Variants in CMTM4 observed in about 807,000 individuals in gnomAD.
CMTM4 encodes CKLF-like MARVEL transmembrane domain-containing protein 4.
A neutral mutation model predicts 19.0 loss-of-function variants in CMTM4; 8 were observed. That is an observed-to-expected ratio of 0.42 (90% CI 0.25 to 0.76). The LOEUF (loss-of-function observed/expected upper bound fraction) is 0.76, where lower values mean the gene tolerates loss of function less well. CMTM4 is among the 30% of genes least tolerant of loss of function. CMTM4 has a pLI of 0.27. For missense variants in CMTM4, 228 were observed against 290.2 expected, an observed-to-expected ratio of 0.79 and a Z score of 1.56; for synonymous variants, 106 against 121.1, an observed-to-expected ratio of 0.88 and a Z score of 0.82.
At chr16:66,637,918 T>A (rs1319786490) in intron 1 of CMTM4, among the ~76,000 whole-genome samples, 1 of 152,188 alleles carries the variant, frequency 6.6e-6, no homozygotes, top group Non-Finnish European at 1.5e-5. Flanking sequence ...CTCTGCTTCC[T>A]CCCCTTGAAC....
At chr16:66,678,890 T>C (rs1199698858) in intron 1 of CMTM4, among the ~76,000 whole-genome samples, 2 of 151,920 alleles carry the variant, frequency 1.3e-5, no homozygotes, top group African/African-American at 4.8e-5. Context: ...ATCACTTGAG[T>C]CCAGGAGTTC....
the CMTM4 span, chr16:66,609,348 G>A: frequency 5.9e-6 from 7 of 1,183,002 alleles, no homozygotes; most frequent in Admixed American, 1.4e-4. This position sits in a 1 kb window ranked among gnomAD's most constrained non-coding sequence, Gnocchi z 4.4. Context: ...TAGGCCTGGG[G>A]CTGGGAACAC....
intron 1 of CMTM4, among the ~76,000 whole-genome samples, chr16:66,658,581 GATACCC>G (rs2016444595): frequency 6.6e-6 from 1 of 152,056 alleles, no homozygotes; most frequent in Admixed American, 6.6e-5. Flanking sequence ...TCAAAATCCT[GATACCC>G]ACATTGGGCT....
chr16:66,670,940 T>C (rs1438435271), intron 1 of CMTM4, among the ~76,000 whole-genome samples: 1 of 152,206 alleles, frequency 6.6e-6, no homozygotes, highest in Non-Finnish European at 1.5e-5. Context: ...TAGACCTAAC[T>C]GTTAATGGGA....
the CMTM4 span, chr16:66,609,369 C>CCAGGCCTCCTCCCCATGCTGT: frequency 3.5e-6 from 5 of 1,423,582 alleles, no homozygotes; most frequent in Non-Finnish European, 4.9e-6. This position sits in a 1 kb window ranked among gnomAD's most constrained non-coding sequence, Gnocchi z 4.4. Context: ...GACCAGGCTG[C>CCAGGCCTCCTCCCCATGCTGT]CAGGCCTCCT....
intron 1 of CMTM4, among the ~76,000 whole-genome samples, chr16:66,678,850 T>C (rs1322953262): frequency 6.6e-6 from 1 of 152,176 alleles, no homozygotes; most frequent in Non-Finnish European, 1.5e-5. Flanking sequence ...CTCACGACTG[T>C]AATCCCAGCA....
chr16:66,604,944 G>A, the CMTM4 span: 1 of 1,503,942 alleles, frequency 6.6e-7, no homozygotes, highest in South Asian at 1.2e-5. Context: ...CCTCCTGCTG[G>A]CCGAGTCGGT....
chr16:66,682,365 T>C (rs1215387848), intron 1 of CMTM4, among the ~76,000 whole-genome samples: 4 of 151,932 alleles, frequency 2.6e-5, no homozygotes, highest in Admixed American at 6.6e-5. Flanking sequence ...GAAGAGCCAT[T>C]GTTTCTGGGT....
Position 66,696,450 on chromosome 16 carries a change from G to T in CMTM4, c.76C>A (p.Pro26Thr). Residue 26 changes from proline (P) to threonine (T), a missense_variant, in exon 1 of 4, where the codon CCG becomes ACG. This residue lies in a region of CMTM4 where 21 missense variants were observed against 43.1 expected (regional missense o/e 0.49). Transcript: ENST00000394106. This position sits in a 1 kb window ranked among gnomAD's most constrained non-coding sequence, Gnocchi z 4.3. Reference protein sequence around the residue: ...STSMISGASSPYQPTTEPVSQ... With the variant: ...STSMISGASSTYQPTTEPVSQ... Reference sequence around the variant, plus strand: ...ACCGGCTCGGTGGTGGGCTGGTACGGGCTGCTGGCGCCCGAGATCATGGAG... The same window carrying T: ...ACCGGCTCGGTGGTGGGCTGGTACGTGCTGCTGGCGCCCGAGATCATGGAG... 1 of 1,347,726 alleles carries T rather than the reference G, an allele frequency of 7.4e-7. No homozygotes were observed. The highest frequency in any genetic ancestry group is 1.7e-5 in the South Asian group (1 of 59,632). The allele number at this position is 1,347,726 out of a possible 1,614,324, so 83.5% of individuals were successfully genotyped here.
Position 66,620,162 on chromosome 16 carries a change from GTCCT to G in CMTM4, c.*1892_*1895del. The G allele has an allele frequency of 2.0e-6, 2 of 985,448 alleles. No homozygotes were observed. The highest frequency in any genetic ancestry group is 2.4e-6 in the Non-Finnish European group (2 of 829,926). 61.0% of individuals were successfully genotyped at this position (985,448 alleles called of 1,614,324 possible). On this transcript the variant is annotated 3_prime_UTR_variant, in exon 4 of 4. Coordinates refer to ENST00000394106, the MANE Select transcript of CMTM4 (RefSeq NM_181521.3). ...GAGATTTCTGATAAAGCTCAGGATG[GTCCT>G]TCCAAGTGGGCCCCATTTAATGCAA...
chr16:66,689,253 C>T (rs2017092842), intron 1 of CMTM4, among the ~76,000 whole-genome samples: 1 of 152,166 alleles, frequency 6.6e-6, no homozygotes, highest in Non-Finnish European at 1.5e-5. Context: ...TTATATATTA[C>T]AGTATAATGT....
chr16:66,686,248 G>A (rs557807508), intron 1 of CMTM4, among the ~76,000 whole-genome samples: 99 of 134,256 alleles, frequency 7.4e-4, no homozygotes, highest in Non-Finnish European at 9.5e-4. Flanking sequence ...GCAAGATTCC[G>A]TCTCCAAAAA....
intron 1 of CMTM4, among the ~76,000 whole-genome samples, chr16:66,671,955 C>A (rs2016715334): frequency 6.6e-6 from 1 of 151,906 alleles, no homozygotes; most frequent in Admixed American, 6.6e-5. Flanking sequence ...TTGGACCCGG[C>A]AGGTCGAGGA....
intron 1 of CMTM4, among the ~76,000 whole-genome samples, chr16:66,675,152 C>G (rs1255399447): frequency 6.6e-6 from 1 of 151,382 alleles, no homozygotes. Flanking sequence ...GTGATCTCAG[C>G]TCACTGCAAC....
At chr16:66,683,286 C>CTTTTTTTTTTTTTTTTTTTTTTTTTTTTT (rs781263895) in intron 1 of CMTM4, among the ~76,000 whole-genome samples, 1 of 78,840 alleles carries the variant, frequency 1.3e-5, no homozygotes, top group Non-Finnish European at 2.4e-5. Context: ...TTTTTCTTTT[C>CTTTTTTTTTTTTTTTTTTTTTTTTTTTTT]TTTTTTTTTT....
chr16:66,637,821 T>G (rs1284770083), intron 1 of CMTM4, among the ~76,000 whole-genome samples: 1 of 152,192 alleles, frequency 6.6e-6, no homozygotes. Flanking sequence ...CAGGCTGGCC[T>G]CCACCTCAAA....
chr16:66,618,433 C>T lies in CMTM4; in HGVS notation c.*3625G>A, dbSNP rs754650180. 33 of 985,480 alleles carry T rather than the reference C, an allele frequency of 3.3e-5. No homozygotes were observed. Among genetic ancestry groups the T allele is most frequent in the Non-Finnish European group, 3.9e-5 (32 of 829,950 alleles). The allele number at this position is 985,480 out of a possible 1,614,324, so 61.0% of individuals were successfully genotyped here. A position where few individuals can be genotyped will look rare whatever the true frequency, so the allele number is the denominator to read the frequency against. Reference sequence around the variant, plus strand: ...TAAATTGTTCAGGTGTCTCCATGCTCTATTCATCTCCTAGGTGCTAAGACC... The same window carrying T: ...TAAATTGTTCAGGTGTCTCCATGCTTTATTCATCTCCTAGGTGCTAAGACC... On this transcript the variant is annotated 3_prime_UTR_variant, in exon 4 of 4. Transcript: ENST00000394106.
chr16:66,618,277 A>G lies in CMTM4; in HGVS notation c.*3781T>C. 1 of 985,466 alleles carries G rather than the reference A, an allele frequency of 1.0e-6. No homozygotes were observed. Among genetic ancestry groups the G allele is most frequent in the Non-Finnish European group, 1.2e-6 (1 of 829,930 alleles). The allele number at this position is 985,466 out of a possible 1,614,324, so 61.0% of individuals were successfully genotyped here. On this transcript the variant is annotated 3_prime_UTR_variant, in exon 4 of 4. Transcript: ENST00000394106. ...CCCTTTCTGATACCTGTTTAACGTC[A>G]TTATTACTCTGTAAACAAGATCTGG...
At chr16:66,631,721 G>C (rs920295635) in intron 2 of CMTM4, among the ~76,000 whole-genome samples, 3 of 152,104 alleles carry the variant, frequency 2.0e-5, no homozygotes, top group Non-Finnish European at 2.9e-5. Flanking sequence ...TTAAACAGAT[G>C]CTTGAAGGCA....
Sources: allele counts gnomAD v4.1 joint callset (sites outside exome capture counted in the v4.1 genomes callset), GRCh38; gene constraint gnomAD v4.1.1; regional missense constraint gnomAD v4.1.1; non-coding constraint Gnocchi (gnomAD v3.1); transcripts MANE v1.5; gene names NCBI Gene and HGNC (gene_info 2026-07-23, HGNC 2026-07-21).